Variants in GTPBP2 observed in about 807,000 individuals in gnomAD.
GTPBP2 encodes GTP-binding protein 2.
Under a neutral mutation model 63.0 loss-of-function variants are expected in GTPBP2, and 32 were observed. The ratio of observed to expected loss-of-function variants is 0.51; its 90% CI spans 0.38 to 0.68. The LOEUF (loss-of-function observed/expected upper bound fraction) is 0.68, where lower values mean the gene tolerates loss of function less well. GTPBP2 is among the 30% of genes least tolerant of loss of function. The pLI, the probability that GTPBP2 is intolerant of heterozygous loss-of-function variation, is 0.00. For missense variants in GTPBP2, 492 were observed against 796.9 expected (o/e 0.62, Z 4.61); for synonymous variants, 310 against 322.6 (o/e 0.96, Z 0.42).
In GTPBP2 at chr6:43,626,336, T is replaced by A; in HGVS notation, c.288A>T (p.Gly96=). ...CAATCTGGTAGACGGCCTCACCACG[T>A]CCCTCCTGGAGCCGCCACTTCATTT... The part of the protein sequence containing the change: ...VTQMKWRLQE[G]RGEAVYQIGV... Residue 96 remains glycine, a synonymous_variant, in exon 3 of 12, where the codon GGA becomes GGT. Transcript: ENST00000307126. This position sits in a 1 kb window ranked among gnomAD's most constrained non-coding sequence, Gnocchi z 4.0. The A allele has an allele frequency of 6.2e-7, 1 of 1,614,054 alleles. No homozygotes were observed. The highest frequency in any genetic ancestry group is 8.5e-7 in the Non-Finnish European group (1 of 1,179,974).
intron 1 of GTPBP2, chr6:43,628,540 G>A: frequency 1.0e-6 from 1 of 982,464 alleles, no homozygotes; most frequent in East Asian, 1.1e-4. Flanking sequence ...AGTACTGTGT[G>A]TGTGTCCGTG....
rs552151053 is a variant in GTPBP2, at chr6:43,626,183, C to G, written c.398+43G>C. 36 of 1,580,420 alleles carry G rather than the reference C, an allele frequency of 2.3e-5. No individual in the cohort carries two copies. The South Asian group carries it at 3.5e-4, about 15-fold the overall frequency. On this transcript the variant is annotated intron_variant, in intron 3 of 11. Coordinates refer to ENST00000307126, the MANE Select transcript of GTPBP2 (RefSeq NM_019096.5). This position sits in a 1 kb window ranked among gnomAD's most constrained non-coding sequence, Gnocchi z 4.0. ...GGTAACTGGGTATGCATGGGTCCCC[C>G]CAAGTCAGGTAAAGGAGAACTGGTG...
chr6:43,630,233 G>C (rs1427354857), upstream of GTPBP2, among the ~76,000 whole-genome samples: 3 of 152,120 alleles, frequency 2.0e-5, no homozygotes, highest in Admixed American at 6.5e-5. Context: ...CTTTAGTGCT[G>C]TTGCACTCTA....
At position 43,626,991 on chromosome 6, in the gene GTPBP2, C is replaced by G; in HGVS notation, c.187-43G>C. On this transcript the variant is annotated intron_variant, in intron 1 of 11. Coordinates refer to ENST00000307126, the MANE Select transcript of GTPBP2 (RefSeq NM_019096.5). The surrounding 1 kb of genome is among the most constrained non-coding windows in gnomAD (Gnocchi z 4.0). Reference sequence around the variant, plus strand: ...GCAGTTACCATACACTGTACAGACCCAATCCCTACTTCCCCTCAATTCCCA... The same window carrying G: ...GCAGTTACCATACACTGTACAGACCGAATCCCTACTTCCCCTCAATTCCCA... 1.9e-6 allele frequency: 3 copies of G among 1,544,520 alleles called. No individual in the cohort carries two copies. Among genetic ancestry groups the G allele is most frequent in the Non-Finnish European group, 2.7e-6 (3 of 1,130,538 alleles).
chr6:43,623,255 G>C, intron 9 of GTPBP2: 1 of 176,448 alleles, frequency 5.7e-6, no homozygotes, highest in Non-Finnish European at 1.2e-5. Context: ...AGCCGGGCAT[G>C]GTGGTAGGCG....
At chr6:43,629,650 C>T (rs894789669), upstream of GTPBP2, 5 of 1,305,690 alleles carry the variant, frequency 3.8e-6, no homozygotes, top group Non-Finnish European at 5.4e-6. Context: ...CCCTTTAGCG[C>T]GGATCCTAGA....
At chr6:43,629,568 G>T, upstream of GTPBP2, 1 of 689,126 alleles carries the variant, frequency 1.5e-6, no homozygotes, top group Non-Finnish European at 2.6e-6. Context: ...GAGGCCTGGG[G>T]TGGGGACGCG....
intron 11 of GTPBP2, 65 bp downstream of exon 11, chr6:43,621,938 C>A (rs907613608): frequency 6.2e-7 from 1 of 1,602,442 alleles, no homozygotes; most frequent in Non-Finnish European, 8.6e-7. Context: ...GAGTTCTCTG[C>A]CAGTCTGGGG....
At chr6:43,621,952 GCCTC>G (rs1207002453) in intron 11 of GTPBP2, 47 bp downstream of exon 11, 11 of 1,604,656 alleles carry the variant, frequency 6.9e-6, no homozygotes, top group Non-Finnish European at 9.4e-6. Flanking sequence ...TCTGGGGCAG[GCCTC>G]CCTCTTTTCT....
At position 43,625,282 on chromosome 6, in the gene GTPBP2, T is replaced by A; in HGVS notation, c.705+81A>T. 1 of 1,353,788 alleles carries A rather than the reference T, an allele frequency of 7.4e-7. No homozygotes were observed. The highest frequency in any genetic ancestry group is 1.1e-6 in the Non-Finnish European group (1 of 946,290). The allele number at this position is 1,353,788 out of a possible 1,614,324, so 83.9% of individuals were successfully genotyped here. ...ATACTATTTCAAAAAGTCTCCACAC[T>A]CTACCCCCATCCTATGTCCTTCACT... On this transcript the variant is annotated intron_variant, in intron 5 of 11. Coordinates refer to ENST00000307126, the MANE Select transcript of GTPBP2 (RefSeq NM_019096.5). The surrounding 1 kb of genome is among the most constrained non-coding windows in gnomAD (Gnocchi z 5.1).
Position 43,621,567 on chromosome 6 carries a change from C to T in GTPBP2, c.*47G>A. On this transcript the variant is annotated 3_prime_UTR_variant, in exon 12 of 12. Transcript: ENST00000307126. Reference sequence around the variant, plus strand: ...GCAGGGCAGCATGGCCAGAAGTCACCTTATATATTGTAGGGACAGCAATAG... The same window carrying T: ...GCAGGGCAGCATGGCCAGAAGTCACTTTATATATTGTAGGGACAGCAATAG... The T allele has an allele frequency of 6.2e-7, 1 of 1,613,694 alleles. No individual in the cohort carries two copies. The highest frequency in any genetic ancestry group is 8.5e-7 in the Non-Finnish European group (1 of 1,179,784).
Position 43,625,558 on chromosome 6 carries a change from G to A in GTPBP2, c.510C>T (p.Phe170=), listed in dbSNP as rs749040589. The A allele has an allele frequency of 2.5e-6, 4 of 1,611,938 alleles. No individual in the cohort carries two copies. Among genetic ancestry groups the A allele is most frequent in the Non-Finnish European group, 2.5e-6 (3 of 1,178,156 alleles). The change falls in exon 5 of 12, where the codon TTC becomes TTT. Residue 170 remains phenylalanine, a splice_region_variant and synonymous_variant. Transcript: ENST00000307126. This position sits in a 1 kb window ranked among gnomAD's most constrained non-coding sequence, Gnocchi z 5.1. ...CCAGGACGGCCACACGGAGGTCTAG[G>A]AACTGTGGATGAATTGCCAGAGATA... ...LVRKVPDNQQ[F]LDLRVAVLGN...
chr6:43,626,096 C>A lies in GTPBP2; in HGVS notation c.398+130G>T. 2 of 896,538 alleles carry A rather than the reference C, an allele frequency of 2.2e-6. No individual in the cohort carries two copies. Among genetic ancestry groups the A allele is most frequent in the Non-Finnish European group, 3.5e-6 (2 of 564,590 alleles). 55.5% of individuals were successfully genotyped at this position (896,538 alleles called of 1,614,324 possible). On this transcript the variant is annotated intron_variant, in intron 3 of 11. Transcript: ENST00000307126. This position sits in a 1 kb window ranked among gnomAD's most constrained non-coding sequence, Gnocchi z 4.0. ...AGTGAGGAGGGGACCAAAACACTAA[C>A]CCTCCCCACTTCAGCCCTTTGTCAA...
chr6:43,626,263 G>C lies in GTPBP2; in HGVS notation c.361C>G (p.Arg121Gly), dbSNP rs142098011. ...CGGTGCAGGGTCTTGAGCGAAGCTC[G>C]CATTTCCTCCTCAGCCAGCCCCACC... ...LLVGLAEEEM[R>G]ASLKTLHRMA... The change falls in exon 3 of 12, where the codon CGA becomes GGA. Residue 121 changes from arginine (R) to glycine (G), a missense_variant. Arg to Gly is a moderately radical substitution (Grantham distance 125, BLOSUM62 -2). Transcript: ENST00000307126. This position sits in a 1 kb window ranked among gnomAD's most constrained non-coding sequence, Gnocchi z 4.0. The C allele has an allele frequency of 4.0e-5, 64 of 1,614,030 alleles. No individual in the cohort carries two copies. Among genetic ancestry groups the C allele is most frequent in the Non-Finnish European group, 5.3e-5 (62 of 1,180,008 alleles).
At chr6:43,628,205 A>C (rs2127847333) in intron 1 of GTPBP2, among the ~76,000 whole-genome samples, 1 of 152,162 alleles carries the variant, frequency 6.6e-6, no homozygotes, top group East Asian at 1.9e-4. Context: ...CTCTACTAAA[A>C]ATACAAAAAT....
rs2127841175 is a variant in GTPBP2, at chr6:43,624,974, T to C, written c.794A>G (p.His265Arg). 3 of 1,614,136 alleles carry C rather than the reference T, an allele frequency of 1.9e-6. No homozygotes were observed. The highest frequency in any genetic ancestry group is 2.5e-6 in the Non-Finnish European group (3 of 1,180,002). The change falls in exon 6 of 12, where the codon CAT becomes CGT. Residue 265 changes from histidine to arginine, a missense_variant. Physicochemically the swap from His to Arg is conservative, Grantham distance 29. Coordinates refer to ENST00000307126, the MANE Select transcript of GTPBP2 (RefSeq NM_019096.5). This position sits in a 1 kb window ranked among gnomAD's most constrained non-coding sequence, Gnocchi z 5.1. ...AAAGATGGTGGTGTGTAGGTACTTATGGTGGCCTGCCAGGTCGATGAAGGT... is the reference window on the plus strand; with the variant it reads ...AAAGATGGTGGTGTGTAGGTACTTACGGTGGCCTGCCAGGTCGATGAAGGT... Reference protein sequence around the residue: ...MITFIDLAGHHKYLHTTIFGL... With the variant: ...MITFIDLAGHRKYLHTTIFGL...
At position 43,624,408 on chromosome 6, in the gene GTPBP2, G is replaced by C. The variant is rs1018494055; in HGVS notation, c.1100+102C>G. ...CTGAAACACCCGCAGAACTAAGCCA[G>C]AACTGGTCTGGCCCTGGAGAAGTAG... On this transcript the variant is annotated intron_variant, in intron 7 of 11. Coordinates refer to ENST00000307126, the MANE Select transcript of GTPBP2 (RefSeq NM_019096.5). The surrounding 1 kb of genome is among the most constrained non-coding windows in gnomAD (Gnocchi z 5.1). The C allele has an allele frequency of 3.4e-6, 3 of 872,766 alleles. No homozygotes were observed. The highest frequency in any genetic ancestry group is 1.5e-5 in the South Asian group (1 of 68,616). 54.1% of individuals were successfully genotyped at this position (872,766 alleles called of 1,614,324 possible). A position where few individuals can be genotyped will look rare whatever the true frequency, so the allele number is the denominator to read the frequency against.
rs45628139 is a variant in GTPBP2 at position 43,628,738 on chromosome 6, T to C, written c.186+239A>G. 3,037 of 755,518 alleles carry C rather than the reference T, an allele frequency of 4.0e-3. 15 individuals are homozygous for C. Among genetic ancestry groups the C allele is most frequent in the Non-Finnish European group, 5.9e-3 (2,447 of 413,522 alleles). The allele number at this position is 755,518 out of a possible 1,614,324, so 46.8% of individuals were successfully genotyped here. ...TACTTCTCTCCTGGGGTAATCTAGA[T>C]CAGAAGGGGGAGTCCTCCCTCTCCA... is the stretch of plus-strand genomic sequence containing the variant. On this transcript the variant is annotated intron_variant, in intron 1 of 11. Transcript: ENST00000307126.
chr6:43,623,875 G>C, intron 8 of GTPBP2, 58 bp downstream of exon 8: 1 of 1,612,220 alleles, frequency 6.2e-7, no homozygotes, highest in Non-Finnish European at 8.5e-7. Context: ...CTCTGGGTTT[G>C]GTCTGAAGCA....
Sources: gnomAD v4.1 joint callset for allele counts (sites outside exome capture counted in the v4.1 genomes callset) on GRCh38, gnomAD v4.1.1 for gene constraint, Gnocchi (gnomAD v3.1) non-coding constraint, MANE v1.5 for transcripts, NCBI Gene and HGNC (gene_info 2026-07-23, HGNC 2026-07-21) for gene names.